The following PDZD8 variants were observed in gnomAD, a reference collection of about 807,000 sequenced individuals.
The protein encoded by PDZD8 is PDZ domain-containing protein 8.
In PDZD8, 14 loss-of-function variants were observed where a neutral mutation model predicts 85.8. The observed-to-expected ratio is 0.16, with a 90% CI of 0.11 to 0.26. The LOEUF (loss-of-function observed/expected upper bound fraction) is 0.26. Ranked by LOEUF, PDZD8 falls within the 10% of genes least tolerant of loss-of-function variation. The probability of loss-of-function intolerance (pLI) is 1.00; values close to 1 mark genes in which losing one functional copy is unlikely to be tolerated. For synonymous variants in PDZD8, 592 were observed against 568.6 expected (o/e 1.04, Z -0.59); for missense variants, 1,197 against 1,424.3 (o/e 0.84, Z 2.57).
intron 1 of PDZD8, among the ~76,000 whole-genome samples, chr10:117,357,033 T>C (rs1405885999): frequency 4.6e-5 from 7 of 152,238 alleles, no homozygotes; most frequent in Admixed American, 1.3e-4. Context: ...AAAGAATGCA[T>C]TCAAGTCTAA....
chr10:117,285,379 T>G lies in PDZD8; in HGVS notation c.1354A>C (p.Ser452Arg). ...TCTTGCAGCACTGCACCTTGATTAC[T>G]CTGGCCAACAGGCCTTTCATAGTAC... ...LVYYERPVGQ[S>R]NQGAVLQDNF... Residue 452 changes from serine to arginine, a missense_variant, in exon 5 of 5, where the codon AGT (serine) becomes CGT (arginine). By Grantham distance (110) the Ser-to-Arg change is moderately radical (BLOSUM62 -1). Transcript: ENST00000334464. 1 of 1,614,194 alleles carries G rather than the reference T, an allele frequency of 6.2e-7. No homozygotes were observed. Among genetic ancestry groups the G allele is most frequent in the Non-Finnish European group, 8.5e-7 (1 of 1,180,028 alleles).
rs1429115449 is a variant in PDZD8 at position 117,285,270 on chromosome 10, T to A, written c.1463A>T (p.Asp488Val). ...YEEEAAGLTV[D>V]TESRELDSEF... ...AGAATCCAGCTCTCTACTTTCAGTA[T>A]CTACTGTCAACCCGGCAGCTTCCTC... The change falls in exon 5 of 5, where the codon GAT (aspartate) becomes GTT (valine). Residue 488 changes from aspartate (D) to valine (V), a missense_variant. By Grantham distance (152) the Asp-to-Val change is radical. This residue lies in a region of PDZD8 where 263 missense variants were observed against 261.9 expected (regional missense o/e 1.00). Coordinates refer to ENST00000334464, the MANE Select transcript of PDZD8 (RefSeq NM_173791.5). 6.2e-7 allele frequency: 1 copy of A among 1,614,208 alleles called. No individual in the cohort carries two copies. Among genetic ancestry groups the A allele is most frequent in the East Asian group, 2.2e-5 (1 of 44,878 alleles).
chr10:117,366,592 T>TACCACCACCACCACCACC (rs140867417), intron 1 of PDZD8, among the ~76,000 whole-genome samples: 3 of 150,668 alleles, frequency 2.0e-5, no homozygotes, highest in African/African-American at 4.9e-5. Context: ...TCACCACCAT[T>TACCACCACCACCACCACC]ACCACCACCA....
chr10:117,352,122 T>A (rs1023092501), intron 1 of PDZD8, among the ~76,000 whole-genome samples: 3 of 152,204 alleles, frequency 2.0e-5, no homozygotes, highest in East Asian at 3.8e-4. Context: ...TACTTTAAGA[T>A]GTCTCTTCAA....
rs1017982106 is a variant in PDZD8 at position 117,281,174 on chromosome 10, C to T, written c.*2094G>A. The T allele has an allele frequency of 1.3e-5, 2 of 151,982 alleles. No homozygotes were observed. Among genetic ancestry groups the T allele is most frequent in the African/African-American group, 4.8e-5 (2 of 41,368 alleles). 9.4% of individuals were successfully genotyped at this position (151,982 alleles called of 1,614,324 possible). ...ACGAGGTCAGGAGATCGAGACCATC[C>T]TGGCTAACATGGTGAAACCCCGTCT... On this transcript the variant is annotated 3_prime_UTR_variant, in exon 5 of 5. Coordinates refer to ENST00000334464, the MANE Select transcript of PDZD8 (RefSeq NM_173791.5).
intron 4 of PDZD8, among the ~76,000 whole-genome samples, chr10:117,287,611 A>G (rs889472069): frequency 2.6e-5 from 4 of 152,200 alleles, no homozygotes; most frequent in East Asian, 3.9e-4. Context: ...GACTCCCTAG[A>G]AACATTCAGC....
intron 4 of PDZD8, 113 bp downstream of exon 4, chr10:117,290,073 A>G (rs536875571): frequency 2.3e-6 from 2 of 865,512 alleles, no homozygotes; most frequent in East Asian, 5.4e-5. Context: ...TTCCATTATA[A>G]AAGTGACATA....
In PDZD8 at chr10:117,299,354, C is replaced by T. The variant is rs114828215; in HGVS notation, c.1099-9006G>A. On this transcript the variant is annotated intron_variant, in intron 3 of 4. Transcript: ENST00000334464. ...CTTTGAACTTCTTGTATTTGGATGC[C>T]TAAATCTCTAGCAAGGCCAGGGAAG... Among the ~76,000 whole-genome samples the T allele has an allele frequency of 5.7e-3, 873 of 152,218 alleles. 10 individuals carry two copies. Among genetic ancestry groups the T allele is most frequent in the African/African-American group, 0.02 (840 of 41,526 alleles).
chr10:117,323,933 A>C (rs551968589), intron 2 of PDZD8, among the ~76,000 whole-genome samples: 28 of 152,152 alleles, frequency 1.8e-4, no homozygotes, highest in South Asian at 1.0e-3. Context: ...GCTCATAAAA[A>C]AGACAAAAGA....
At chr10:117,293,690 G>A (rs1168623849) in intron 3 of PDZD8, among the ~76,000 whole-genome samples, 6 of 152,030 alleles carry the variant, frequency 3.9e-5, no homozygotes, top group African/African-American at 1.4e-4. Context: ...ATAAGTGGAG[G>A]CACAGGCAAC....
chr10:117,333,117 C>CAAAAAAAAAAA (rs752527474), intron 2 of PDZD8, among the ~76,000 whole-genome samples: 13 of 7,182 alleles, frequency 1.8e-3, no homozygotes, highest in Middle Eastern at 0.1. Context: ...GACTCTGTCT[C>CAAAAAAAAAAA]AAAAAAAAAA....
chr10:117,347,708 C>T (rs1039998954), intron 1 of PDZD8, among the ~76,000 whole-genome samples: 1 of 152,020 alleles, frequency 6.6e-6, no homozygotes, highest in Non-Finnish European at 1.5e-5. Context: ...TACAGAGGAA[C>T]TCATAACAGT....
At position 117,333,525 on chromosome 10, in the gene PDZD8, G is replaced by T. The variant is rs147331087; in HGVS notation, c.995+7455C>A. On this transcript the variant is annotated intron_variant, in intron 2 of 4. Transcript: ENST00000334464. ...CAAATATTATTATTTAGCCTCATTT[G>T]CTTCAGGTGGATTTAAGTTATATTC... is the stretch of plus-strand genomic sequence containing the variant. 5.0e-3 allele frequency among the ~76,000 whole-genome samples: 767 copies of T among 152,274 alleles called. 8 individuals carry two copies. The highest frequency in any genetic ancestry group is 0.018 in the African/African-American group (729 of 41,562).
chr10:117,335,035 A>G (rs1386717475), intron 2 of PDZD8, among the ~76,000 whole-genome samples: 1 of 152,204 alleles, frequency 6.6e-6, no homozygotes, highest in Non-Finnish European at 1.5e-5. Flanking sequence ...ATATCCAAGA[A>G]GCTAACTGAA....
At chr10:117,301,827 G>C (rs1202505733) in intron 3 of PDZD8, among the ~76,000 whole-genome samples, 1 of 152,144 alleles carries the variant, frequency 6.6e-6, no homozygotes, top group East Asian at 1.9e-4. Context: ...ATTTGTTCTT[G>C]TTCATTTTTG....
intron 2 of PDZD8, among the ~76,000 whole-genome samples, chr10:117,337,892 T>C (rs1365856217): frequency 2.0e-5 from 3 of 152,222 alleles, no homozygotes; most frequent in Admixed American, 2.0e-4. Flanking sequence ...TTCCACTATA[T>C]ATGAAGTAAT....
intron 2 of PDZD8, among the ~76,000 whole-genome samples, chr10:117,338,002 A>G (rs966447208): frequency 7.2e-5 from 11 of 152,176 alleles, no homozygotes; most frequent in Non-Finnish European, 1.0e-4. Flanking sequence ...AATAAAACAC[A>G]CAAGCTGAAT....
At chr10:117,319,601 T>G (rs1025443749) in intron 2 of PDZD8, among the ~76,000 whole-genome samples, 1 of 152,108 alleles carries the variant, frequency 6.6e-6, no homozygotes, top group Non-Finnish European at 1.5e-5. Context: ...AAACACTAAG[T>G]GCTCAATAAA....
At chr10:117,357,439 C>T (rs759629778) in intron 1 of PDZD8, among the ~76,000 whole-genome samples, 42 of 151,286 alleles carry the variant, frequency 2.8e-4, no homozygotes, top group Middle Eastern at 3.4e-3. Flanking sequence ...ATGATCACTG[C>T]TATGTAAAAC....
Sources: gnomAD v4.1 joint callset for allele counts (sites outside exome capture counted in the v4.1 genomes callset) on GRCh38, gnomAD v4.1.1 for gene constraint, gnomAD v4.1.1 regional missense constraint, MANE v1.5 for transcripts, NCBI Gene and HGNC (gene_info 2026-07-23, HGNC 2026-07-21) for gene names.